The following PLCB4 variants were observed in gnomAD, a reference collection of about 807,000 sequenced individuals.
PLCB4 encodes the protein phospholipase C beta 4, also known as 1-phosphatidylinositol 4,5-bisphosphate phosphodiesterase beta-4.
A neutral mutation model predicts 178.8 loss-of-function variants in PLCB4; 77 were observed. That is an observed-to-expected ratio of 0.43 (90% CI 0.36 to 0.52). The LOEUF (loss-of-function observed/expected upper bound fraction) is 0.52, where lower values mean the gene tolerates loss of function less well. PLCB4 is among the 20% of genes least tolerant of loss of function. The probability of loss-of-function intolerance (pLI) is 0.00; values close to 1 mark genes in which losing one functional copy is unlikely to be tolerated. For synonymous variants in PLCB4, 496 were observed against 490.8 expected (o/e 1.01, Z -0.14); for missense variants, 1,024 against 1,453.4 (o/e 0.70, Z 4.80).
chr20:9,128,858 A>G lies in PLCB4; in HGVS notation c.-79+32516A>G, dbSNP rs552244311. Among the ~76,000 whole-genome samples, 5 of 152,184 alleles carry G rather than the reference A, an allele frequency of 3.3e-5. No individual in the cohort carries two copies. The East Asian group carries it at 9.7e-4, about 29-fold the overall frequency. On this transcript the variant is annotated intron_variant, in intron 2 of 39. Transcript: ENST00000378473. ...CCTCCCCCAGCTCCTGGCAACCACC[A>G]TTCTATTTTCTGTCTCTGCAAAATT...
intron 3 of PLCB4, among the ~76,000 whole-genome samples, chr20:9,270,096 TC>T (rs1335960121): frequency 6.6e-6 from 1 of 152,126 alleles, no homozygotes; most frequent in African/African-American, 2.4e-5. Flanking sequence ...TTAATGAAGT[TC>T]CTTTTGTATT....
At chr20:9,165,370 T>A (rs1399269941) in intron 2 of PLCB4, among the ~76,000 whole-genome samples, 2 of 152,198 alleles carry the variant, frequency 1.3e-5, no homozygotes, top group African/African-American at 4.8e-5. Context: ...GTAGTACAAG[T>A]TGGGACAGAT....
intron 3 of PLCB4, among the ~76,000 whole-genome samples, chr20:9,241,830 T>C (rs1031338531): frequency 1.3e-5 from 2 of 152,200 alleles, no homozygotes; most frequent in Non-Finnish European, 2.9e-5. Flanking sequence ...CACAAATTAA[T>C]GGGTCAGCTA....
At chr20:9,296,426 C>A (rs2147797043) in intron 3 of PLCB4, among the ~76,000 whole-genome samples, 1 of 152,268 alleles carries the variant, frequency 6.6e-6, no homozygotes, top group South Asian at 2.1e-4. Context: ...TAAACTAGTT[C>A]AACCATTGTG....
At chr20:9,232,617 G>C (rs2093945570) in intron 3 of PLCB4, among the ~76,000 whole-genome samples, 1 of 152,176 alleles carries the variant, frequency 6.6e-6, no homozygotes, top group African/African-American at 2.4e-5. Context: ...GTTGAATTAT[G>C]GTAGCTACAG....
At chr20:9,100,382 A>AT (rs1190889910) in intron 2 of PLCB4, among the ~76,000 whole-genome samples, 2 of 152,066 alleles carry the variant, frequency 1.3e-5, no homozygotes, top group Non-Finnish European at 2.9e-5. Flanking sequence ...GTTATTGTTA[A>AT]TTTTTTTTAG....
At chr20:9,170,906 C>A (rs2147037224) in intron 2 of PLCB4, among the ~76,000 whole-genome samples, 1 of 152,298 alleles carries the variant, frequency 6.6e-6, no homozygotes, top group East Asian at 1.9e-4. Context: ...TTTTGAATAT[C>A]TAACATAGCG....
intron 3 of PLCB4, among the ~76,000 whole-genome samples, chr20:9,261,033 A>G (rs2094292007): frequency 6.6e-6 from 1 of 152,114 alleles, no homozygotes; most frequent in Non-Finnish European, 1.5e-5. Flanking sequence ...AAGCAATACT[A>G]AAATTGATTC....
chr20:9,133,469 G>A (rs576324314), intron 2 of PLCB4, among the ~76,000 whole-genome samples: 1 of 151,984 alleles, frequency 6.6e-6, no homozygotes, highest in African/African-American at 2.4e-5. Context: ...GTTTCACCTT[G>A]TTGGCCAGGT....
chr20:9,216,258 C>T (rs1024212103), intron 2 of PLCB4, among the ~76,000 whole-genome samples: 3 of 152,022 alleles, frequency 2.0e-5, no homozygotes, highest in Non-Finnish European at 4.4e-5. Context: ...CTCTCTGTCA[C>T]CCAGGCTGGA....
At chr20:9,407,591 G>C (rs1401301949) in intron 21 of PLCB4, among the ~76,000 whole-genome samples, 2 of 152,046 alleles carry the variant, frequency 1.3e-5, no homozygotes, top group Non-Finnish European at 2.9e-5. Flanking sequence ...AGTTTGTCTT[G>C]AACTCCTGGC....
intron 3 of PLCB4, among the ~76,000 whole-genome samples, chr20:9,243,630 C>G (rs1285245972): frequency 6.6e-6 from 1 of 152,138 alleles, no homozygotes; most frequent in African/African-American, 2.4e-5. Context: ...AGCGCATAGC[C>G]TTTTGATTAT....
intron 36 of PLCB4, among the ~76,000 whole-genome samples, chr20:9,470,575 G>C (rs963805314): frequency 6.6e-6 from 1 of 152,170 alleles, no homozygotes; most frequent in African/African-American, 2.4e-5. Context: ...ATGTTACAAA[G>C]TAGACTTTAG....
intron 2 of PLCB4, among the ~76,000 whole-genome samples, chr20:9,215,388 T>C (rs765283015): frequency 2.0e-5 from 3 of 152,200 alleles, no homozygotes; most frequent in Non-Finnish European, 4.4e-5. Flanking sequence ...GCCAGTTTTG[T>C]GGGATTCTTG....
At chr20:9,120,716 C>A (rs1185177002) in intron 2 of PLCB4, among the ~76,000 whole-genome samples, 1 of 151,068 alleles carries the variant, frequency 6.6e-6, no homozygotes, top group Admixed American at 6.6e-5. Flanking sequence ...CCCAAGGTGC[C>A]CTGCTGCAGT....
intron 2 of PLCB4, among the ~76,000 whole-genome samples, chr20:9,160,660 A>G (rs2092873140): frequency 6.6e-6 from 1 of 152,192 alleles, no homozygotes; most frequent in African/African-American, 2.4e-5. Context: ...AAGAATAGTT[A>G]CAAGCTGTTT....
intron 2 of PLCB4, among the ~76,000 whole-genome samples, chr20:9,171,580 A>G (rs1368286811): frequency 6.6e-6 from 1 of 152,186 alleles, no homozygotes; most frequent in Non-Finnish European, 1.5e-5. Flanking sequence ...AGAGGAAAGG[A>G]CAGAACAAGT....
intron 3 of PLCB4, among the ~76,000 whole-genome samples, chr20:9,239,347 C>T (rs1483999360): frequency 6.6e-6 from 1 of 152,126 alleles, no homozygotes; most frequent in Non-Finnish European, 1.5e-5. Context: ...GTATAGATTG[C>T]ATTATAAACT....
intron 3 of PLCB4, among the ~76,000 whole-genome samples, chr20:9,251,558 C>T (rs117038767): frequency 2.0e-4 from 31 of 152,254 alleles, no homozygotes; most frequent in African/African-American, 6.0e-4. Context: ...AAGCTCCATA[C>T]GTTATCTCTT....
Sources: allele counts gnomAD v4.1 joint callset (sites outside exome capture counted in the v4.1 genomes callset), GRCh38; gene constraint gnomAD v4.1.1; transcripts MANE v1.5; gene names NCBI Gene and HGNC (gene_info 2026-07-23, HGNC 2026-07-21).